The following PLAAT2 variants were observed in gnomAD, a reference collection of about 807,000 sequenced individuals.
The protein encoded by PLAAT2 is phospholipase A and acyltransferase 2, also known as HRAS like suppressor 2.
Under a neutral mutation model 12.8 loss-of-function variants are expected in PLAAT2, and 12 were observed. The ratio of observed to expected loss-of-function variants is 0.94; its 90% CI spans 0.60 to 1.52. The LOEUF (loss-of-function observed/expected upper bound fraction) is 1.52, where lower values mean the gene tolerates loss of function less well. Among genes scored for constraint, PLAAT2 ranks in the 40% most tolerant of loss-of-function variants. PLAAT2 has a pLI of 0.00. For synonymous variants in PLAAT2, 79 were observed against 86.8 expected, an observed-to-expected ratio of 0.91 and a Z score of 0.50; for missense variants, 166 against 208.1, an observed-to-expected ratio of 0.80 and a Z score of 1.24.
In PLAAT2 at chr11:63,560,109, A is replaced by G. The variant is rs1173268688; in HGVS notation, c.94T>C (p.Tyr32His). The G allele has an allele frequency of 6.2e-7, 1 of 1,611,462 alleles. No individual in the cohort carries two copies. Among genetic ancestry groups the G allele is most frequent in the Non-Finnish European group, 8.5e-7 (1 of 1,177,802 alleles). ...CTTGCCGGAGCCAGATGGACCACATAGCCATCTCCCACGTAGATGGCCCAG... is the reference window on the plus strand; with the variant it reads ...CTTGCCGGAGCCAGATGGACCACATGGCCATCTCCCACGTAGATGGCCCAG... The part of the protein sequence containing the change: ...AHWAIYVGDG[Y>H]VVHLAPASEI... The change falls in exon 2 of 4, where the codon TAT becomes CAT. Residue 32 changes from tyrosine (Y) to histidine (H), a missense_variant. Tyr to His is a moderately conservative substitution (Grantham distance 83). Coordinates refer to ENST00000255695, the MANE Select transcript of PLAAT2 (RefSeq NM_017878.2).
upstream of PLAAT2, among the ~76,000 whole-genome samples, chr11:63,564,604 C>T (rs955229780): frequency 5.3e-5 from 8 of 152,204 alleles, no homozygotes; most frequent in African/African-American, 1.2e-4. Flanking sequence ...CCCATGGAGA[C>T]GGCCTCTCTC....
chr11:63,552,908 T>G lies in PLAAT2; in HGVS notation c.*56A>C. The G allele has an allele frequency of 8.3e-7, 1 of 1,201,424 alleles. No homozygotes were observed. Among genetic ancestry groups the G allele is most frequent in the Non-Finnish European group, 1.2e-6 (1 of 806,486 alleles). The allele number at this position is 1,201,424 out of a possible 1,614,324, so 74.4% of individuals were successfully genotyped here. On this transcript the variant is annotated 3_prime_UTR_variant, in exon 4 of 4. Transcript: ENST00000255695. ...TCAGTAAACCAAACTCCACTCCTGC[T>G]GGCTAAATAATATTCCTCCGTAAGA...
intron 3 of PLAAT2, among the ~76,000 whole-genome samples, chr11:63,554,234 C>T (rs1043741893): frequency 6.6e-6 from 1 of 152,078 alleles, no homozygotes; most frequent in African/African-American, 2.4e-5. Flanking sequence ...GCTGGGAACT[C>T]TCCAGGCCCA....
Position 63,553,023 on chromosome 11 carries a change from G to C in PLAAT2, c.430C>G (p.Leu144Val), listed in dbSNP as rs755267948. The change falls in exon 4 of 4, where the codon CTG becomes GTG. Residue 144 changes from leucine to valine, a missense_variant. By Grantham distance (32) the Leu-to-Val change is conservative. Transcript: ENST00000255695. Reference protein sequence around the residue: ...VTTVGVAAGLLAAASLVGILL... With the variant: ...VTTVGVAAGLVAAASLVGILL... ...ATCCCCACAAGGCTTGCGGCAGCCA[G>C]CAGGCCTGCTGCCACACCTACTGTC... The C allele has an allele frequency of 6.2e-7, 1 of 1,613,872 alleles. No homozygotes were observed. The highest frequency in any genetic ancestry group is 1.7e-5 in the Admixed American group (1 of 60,020).
intron 3 of PLAAT2, among the ~76,000 whole-genome samples, chr11:63,556,685 C>T (rs1410984467): frequency 6.6e-6 from 1 of 152,168 alleles, no homozygotes; most frequent in East Asian, 1.9e-4. Flanking sequence ...CCTTACCCAT[C>T]TCCCCTTTTT....
chr11:63,556,608 T>C lies in PLAAT2; in HGVS notation c.387+1784A>G, dbSNP rs752721692. ...CCGTGCCCCAGTGCCCAGCATGGCC[T>C]GGCAGTCTCTCAGTTAATAGCGTGG... On this transcript the variant is annotated intron_variant, in intron 3 of 3. Coordinates refer to ENST00000255695, the MANE Select transcript of PLAAT2 (RefSeq NM_017878.2). Among the ~76,000 whole-genome samples, 13 of 152,172 alleles carry C rather than the reference T, an allele frequency of 8.5e-5. No homozygotes were observed. In the South Asian group the frequency reaches 2.7e-3, roughly 32 times the overall value.
At chr11:63,563,072 C>T (rs981686388) in intron 1 of PLAAT2, among the ~76,000 whole-genome samples, 1 of 152,206 alleles carries the variant, frequency 6.6e-6, no homozygotes, top group Non-Finnish European at 1.5e-5. Context: ...AAAGCATAAA[C>T]GCAAACTTTG....
At chr11:63,561,003 T>A (rs59196964) in intron 1 of PLAAT2, among the ~76,000 whole-genome samples, 1 of 152,274 alleles carries the variant, frequency 6.6e-6, no homozygotes, top group East Asian at 1.9e-4. Flanking sequence ...CCTTGCCACA[T>A]AAATTCTGTT....
intron 1 of PLAAT2, among the ~76,000 whole-genome samples, chr11:63,562,437 T>A (rs866049825): frequency 6.6e-6 from 1 of 152,170 alleles, no homozygotes; most frequent in South Asian, 2.1e-4. Context: ...TTTGTAGGGA[T>A]GGGATCTCAC....
At chr11:63,564,605 G>A (rs534890173), upstream of PLAAT2, among the ~76,000 whole-genome samples, 10 of 152,274 alleles carry the variant, frequency 6.6e-5, no homozygotes, top group East Asian at 3.9e-4. Flanking sequence ...CCATGGAGAC[G>A]GCCTCTCTCA....
rs539451403 is a variant in PLAAT2 at position 63,554,627 on chromosome 11, C to CA, written c.388-1563dup. ...TTGGTGACAGAGTGAGACTATGTCT[C>CA]AAAAAAAAAAGAAAAAAAAAAAAAG... On this transcript the variant is annotated intron_variant, in intron 3 of 3. Transcript: ENST00000255695. Among the ~76,000 whole-genome samples the CA allele has an allele frequency of 5.3e-4, 49 of 93,238 alleles. 1 individual carries two copies. In the South Asian group the frequency reaches 5.6e-3, roughly 11 times the overall value. 61.2% of individuals were successfully genotyped at this position (93,238 alleles called of 152,430 possible).
chr11:63,563,435 T>C (rs532153847), upstream of PLAAT2: 11 of 1,395,682 alleles, frequency 7.9e-6, no homozygotes, highest in South Asian at 4.7e-5. Flanking sequence ...TTTCAGAACA[T>C]AGGCTGGGTG....
intron 1 of PLAAT2, 107 bp downstream of exon 1, chr11:63,563,209 T>A (rs771976869): frequency 2.1e-5 from 28 of 1,308,908 alleles, no homozygotes; most frequent in African/African-American, 2.9e-5. Flanking sequence ...CATGTGCCCA[T>A]GTGCCCTCCA....
upstream of PLAAT2, among the ~76,000 whole-genome samples, chr11:63,564,615 A>G (rs2017547569): frequency 6.6e-6 from 1 of 152,176 alleles, no homozygotes; most frequent in Non-Finnish European, 1.5e-5. Flanking sequence ...GGCCTCTCTC[A>G]GCACCTCCAC....
chr11:63,565,019 T>C (rs991779002), upstream of PLAAT2, among the ~76,000 whole-genome samples: 3 of 152,088 alleles, frequency 2.0e-5, no homozygotes, highest in Non-Finnish European at 2.9e-5. Flanking sequence ...CAGGAAATTA[T>C]GTCCAGGAGC....
At chr11:63,563,797 A>G (rs961895723), upstream of PLAAT2, among the ~76,000 whole-genome samples, 39 of 152,098 alleles carry the variant, frequency 2.6e-4, no homozygotes, top group East Asian at 2.9e-3. Context: ...GGCAGAGCAC[A>G]TATCAAGTAG....
upstream of PLAAT2, among the ~76,000 whole-genome samples, chr11:63,564,986 C>G (rs1033767770): frequency 6.6e-6 from 1 of 152,090 alleles, no homozygotes; most frequent in South Asian, 2.1e-4. Context: ...GGCTTTTCAC[C>G]GAATCCAAGC....
At chr11:63,558,788 C>A in intron 2 of PLAAT2, 128 bp from the exon 3 acceptor site, 2 of 1,171,290 alleles carry the variant, frequency 1.7e-6, no homozygotes, top group Non-Finnish European at 2.4e-6. Context: ...TCCTGCCTGG[C>A]CTCAAACTTG....
At chr11:63,556,393 T>C (rs574045289) in intron 3 of PLAAT2, among the ~76,000 whole-genome samples, 10 of 152,216 alleles carry the variant, frequency 6.6e-5, no homozygotes, top group African/African-American at 2.4e-4. Context: ...CTTCCTAAAA[T>C]TGGGGTCTTC....
Sources: gnomAD v4.1 joint callset for allele counts (sites outside exome capture counted in the v4.1 genomes callset) on GRCh38, gnomAD v4.1.1 for gene constraint, MANE v1.5 for transcripts, NCBI Gene and HGNC (gene_info 2026-07-23, HGNC 2026-07-21) for gene names.